CFAP100: variants seen among roughly 807,000 people sequenced by gnomAD.
The protein encoded by CFAP100 is cilia and flagella associated protein 100.
Under a neutral mutation model 81.5 loss-of-function variants are expected in CFAP100, and 70 were observed. That is an observed-to-expected ratio of 0.86 (90% CI 0.71 to 1.05). The LOEUF (loss-of-function observed/expected upper bound fraction) is 1.05. Ranked by LOEUF, CFAP100 falls within the 50% of genes least tolerant of loss-of-function variation. The pLI is 0.00. For synonymous variants in CFAP100, 341 were observed against 314.8 expected (o/e 1.08, Z -0.88); for missense variants, 811 against 776.5 (o/e 1.04, Z -0.53).
intron 1 of CFAP100, 24 bp from the exon 2 acceptor site, chr3:126,395,918 C>T (rs2082880469): frequency 8.1e-7 from 1 of 1,241,698 alleles, no homozygotes; most frequent in Admixed American, 1.7e-5. Flanking sequence ...GACCACCAGG[C>T]TCAAGCACTG....
Position 126,435,583 on chromosome 3 carries a change from G to A in CFAP100, c.1653G>A (p.Met551Ile), listed in dbSNP as rs755470750. The A allele has an allele frequency of 2.5e-6, 4 of 1,611,762 alleles. No homozygotes were observed. The South Asian group carries it at 4.4e-5, about 18-fold the overall frequency. Residue 551 changes from methionine (M) to isoleucine (I), a missense_variant, in exon 16 of 17, where the codon ATG becomes ATA. By Grantham distance (10) the Met-to-Ile change is conservative. Transcript: ENST00000352312. The stretch of plus-strand genomic sequence containing the variant: ...GACTTCGAGAAGAGAAGCTCCAGAT[G>A]CAAAAGATCCTACAGGAGGAGCATC... ...RIRLREEKLQ[M>I]QKILQEEHLQ...
In CFAP100 at chr3:126,435,620, CG is replaced by C. The variant is rs1560083869; in HGVS notation, c.1693del (p.Ala565ArgfsTer34). 3 of 1,612,320 alleles carry C rather than the reference CG, an allele frequency of 1.9e-6. No homozygotes were observed. Among genetic ancestry groups the C allele is most frequent in the Non-Finnish European group, 2.5e-6 (3 of 1,178,784 alleles). The part of the protein sequence containing the change: ...ILQEEHLQRA[R>X]ARAQAEIKKK... ...ACAGGAGGAGCATCTGCAGCGGGCC[CG>C]GGCGCGCGCCCAGGCTGAGATCAAG... On this transcript the variant is annotated frameshift_variant, in exon 16 of 17. Coordinates refer to ENST00000352312, the MANE Select transcript of CFAP100 (RefSeq NM_182628.3). LOFTEE classifies it low-confidence loss of function (END_TRUNC).
intron 15 of CFAP100, among the ~76,000 whole-genome samples, chr3:126,435,309 C>T (rs1213890279): frequency 1.3e-5 from 2 of 152,136 alleles, no homozygotes; most frequent in South Asian, 4.1e-4. Context: ...TCAGCCCTTG[C>T]AGGAGGCCAG....
intron 2 of CFAP100, among the ~76,000 whole-genome samples, chr3:126,400,669 G>A (rs1383553176): frequency 2.6e-5 from 4 of 152,188 alleles, no homozygotes; most frequent in East Asian, 1.9e-4. Context: ...GGAGAATGGC[G>A]TGAACCCGGG....
At position 126,401,516 on chromosome 3, in the gene CFAP100, C is replaced by T. The variant is rs148864501; in HGVS notation, c.49+5467C>T. On this transcript the variant is annotated intron_variant, in intron 2 of 16. Transcript: ENST00000352312. ...TAAGTGAAGTAAACAACTAAATAGA[C>T]AGGATGGTTCCCAGCAGTGCTGAAA... Among the ~76,000 whole-genome samples the T allele has an allele frequency of 8.6e-3, 1,278 of 147,790 alleles. 22 individuals are homozygous for T. The highest frequency in any genetic ancestry group is 0.027 in the African/African-American group (1,092 of 39,994).
chr3:126,419,049 C>A (rs774361071), intron 7 of CFAP100, 27 bp from the exon 8 acceptor site: 4 of 1,029,104 alleles, frequency 3.9e-6, no homozygotes, highest in Non-Finnish European at 5.7e-6. Flanking sequence ...TGCCCCCATC[C>A]CTCCTCCCCC....
At chr3:126,397,565 G>A (rs1401896921) in intron 2 of CFAP100, among the ~76,000 whole-genome samples, 2 of 152,238 alleles carry the variant, frequency 1.3e-5, no homozygotes, top group African/African-American at 4.8e-5. Context: ...GGTACCCTAT[G>A]ACCCTGTGGC....
In CFAP100 at chr3:126,433,115, A is replaced by T; in HGVS notation, c.1333A>T (p.Met445Leu). ...QLKQWVTTMM[M>L]SITKEEDTAA... ...GAAGCAGTGGGTCACCACAATGATGATGTCCATCACCAAGGAGGAGGACAC... is the reference window on the plus strand; with the variant it reads ...GAAGCAGTGGGTCACCACAATGATGTTGTCCATCACCAAGGAGGAGGACAC... Residue 445 changes from methionine (M) to leucine (L), a missense_variant, in exon 14 of 17, where the codon ATG (methionine) becomes TTG (leucine). Met to Leu is a conservative substitution (Grantham distance 15, BLOSUM62 2). Coordinates refer to ENST00000352312, the MANE Select transcript of CFAP100 (RefSeq NM_182628.3). 6 of 1,614,156 alleles carry T rather than the reference A, an allele frequency of 3.7e-6. No individual in the cohort carries two copies. Among genetic ancestry groups the T allele is most frequent in the Non-Finnish European group, 5.1e-6 (6 of 1,180,006 alleles).
At position 126,411,361 on chromosome 3, in the gene CFAP100, G is replaced by GTTTTTTTTTTTTT. The variant is rs58954079; in HGVS notation, c.131-2710_131-2698dup. ...TCTGTAGTTTTTTTTGTTGTTGTTG[G>GTTTTTTTTTTTTT]TTTTTTTTTTTTTTTTTTTTTTTTT... On this transcript the variant is annotated intron_variant, in intron 3 of 16. Transcript: ENST00000352312. Among the ~76,000 whole-genome samples, 7 of 35,366 alleles carry GTTTTTTTTTTTTT rather than the reference G, an allele frequency of 2.0e-4. 1 individual carries two copies. The highest frequency in any genetic ancestry group is 5.5e-4 in the Admixed American group (1 of 1,834). 23.2% of individuals were successfully genotyped at this position (35,366 alleles called of 152,430 possible).
intron 11 of CFAP100, 60 bp downstream of exon 11, chr3:126,420,289 C>T: frequency 1.3e-6 from 2 of 1,598,512 alleles, no homozygotes; most frequent in African/African-American, 1.3e-5. Flanking sequence ...TCCCTTGTGG[C>T]ACCCATGTGT....
intron 16 of CFAP100, among the ~76,000 whole-genome samples, chr3:126,435,921 A>G (rs1933428138): frequency 6.6e-6 from 1 of 151,978 alleles, no homozygotes; most frequent in Admixed American, 6.5e-5. Context: ...TCTGCTCAGG[A>G]GCAGGGTCCC....
At chr3:126,416,656 T>C in intron 5 of CFAP100, 148 bp downstream of exon 5, 1 of 669,644 alleles carries the variant, frequency 1.5e-6, no homozygotes, top group Admixed American at 3.3e-5. Context: ...CTTTCTGTGT[T>C]TGGCCTCTCC....
intron 11 of CFAP100, among the ~76,000 whole-genome samples, chr3:126,421,185 G>A (rs556956252): frequency 1.3e-5 from 2 of 151,958 alleles, no homozygotes; most frequent in Non-Finnish European, 2.9e-5. Context: ...TGTATTTTTA[G>A]TAGAGACGGG....
At chr3:126,407,896 C>T (rs2083092717) in intron 3 of CFAP100, among the ~76,000 whole-genome samples, 1 of 152,166 alleles carries the variant, frequency 6.6e-6, no homozygotes, top group Non-Finnish European at 1.5e-5. Flanking sequence ...CACTGTGGCT[C>T]CGACCTCCCT....
chr3:126,421,124 T>C (rs947647293), intron 11 of CFAP100, among the ~76,000 whole-genome samples: 2 of 152,218 alleles, frequency 1.3e-5, no homozygotes, highest in Non-Finnish European at 2.9e-5. Flanking sequence ...TGTCTCAGCC[T>C]CCCGAGTAGC....
chr3:126,404,562 T>C (rs76424706), intron 2 of CFAP100, among the ~76,000 whole-genome samples: 160 of 152,346 alleles, frequency 1.1e-3, no homozygotes, highest in African/African-American at 3.5e-3. Flanking sequence ...GGGTGCCATC[T>C]GCTCTGAATT....
chr3:126,418,786 G>A lies in CFAP100; in HGVS notation c.650+12G>A, dbSNP rs1285882417. The A allele has an allele frequency of 1.3e-6, 2 of 1,569,684 alleles. No homozygotes were observed. The highest frequency in any genetic ancestry group is 2.4e-5 in the South Asian group (2 of 84,136). ...CAGGCCATGAGAGCGTGAGCCTGCG[G>A]GCCCGAGGGGCTGGCTGGGCAATGC... On this transcript the variant is annotated intron_variant, in intron 7 of 16. Coordinates refer to ENST00000352312, the MANE Select transcript of CFAP100 (RefSeq NM_182628.3).
Position 126,420,190 on chromosome 3 carries a change from G to A in CFAP100, c.1043G>A (p.Gly348Asp), listed in dbSNP as rs1182945111. ...SPSYLSSPQQ[G>D]SQPSESSGGD... ...TCTTACCTGAGCAGCCCCCAGCAAG[G>A]CAGCCAGCCCAGCGAGTCCAGCGGT... The change falls in exon 11 of 17, where the codon GGC (glycine) becomes GAC (aspartate). Residue 348 changes from glycine (G) to aspartate (D), a missense_variant. Coordinates refer to ENST00000352312, the MANE Select transcript of CFAP100 (RefSeq NM_182628.3). The A allele has an allele frequency of 6.2e-7, 1 of 1,612,652 alleles. No homozygotes were observed. The highest frequency in any genetic ancestry group is 8.5e-7 in the Non-Finnish European group (1 of 1,180,012).
Position 126,433,212 on chromosome 3 carries a change from G to A in CFAP100, c.1422+8G>A, listed in dbSNP as rs1933300490. On this transcript the variant is annotated splice_region_variant and intron_variant, in intron 14 of 16. Transcript: ENST00000352312. ...TACAAGGGCGATCAGCAGGTAGGCT[G>A]GGGATCAAGGTGGCCAGAGGCCCAG... 1 of 1,613,850 alleles carries A rather than the reference G, an allele frequency of 6.2e-7. No individual in the cohort carries two copies. Among genetic ancestry groups the A allele is most frequent in the African/African-American group, 1.3e-5 (1 of 74,926 alleles).
Sources: allele counts gnomAD v4.1 joint callset (sites outside exome capture counted in the v4.1 genomes callset), GRCh38; gene constraint gnomAD v4.1.1; transcripts MANE v1.5; gene names NCBI Gene and HGNC (gene_info 2026-07-23, HGNC 2026-07-21).